The following RHOJ variants were observed in gnomAD, a reference collection of about 807,000 sequenced individuals.
The protein encoded by RHOJ is ras homolog family member J, also known as rho-related GTP-binding protein RhoJ.
A neutral mutation model predicts 23.4 loss-of-function variants in RHOJ; 11 were observed. The observed-to-expected ratio is 0.47, with a 90% confidence interval of 0.30 to 0.78. The LOEUF (loss-of-function observed/expected upper bound fraction) is 0.78, where lower values mean the gene tolerates loss of function less well. RHOJ is among the 30% of genes least tolerant of loss of function. RHOJ has a pLI of 0.08. For missense variants in RHOJ, 254 were observed against 273.4 expected (o/e 0.93, Z 0.50); for synonymous variants, 102 against 102.7 (o/e 0.99, Z 0.04).
intron 1 of RHOJ, among the ~76,000 whole-genome samples, chr14:63,255,862 T>G (rs1895155093): frequency 6.6e-6 from 1 of 151,776 alleles, no homozygotes; most frequent in African/African-American, 2.4e-5. Context: ...TATCCTTTTT[T>G]TTTTACCTTT....
At chr14:63,289,720 T>G (rs563103651) in intron 4 of RHOJ, among the ~76,000 whole-genome samples, 6 of 152,350 alleles carry the variant, frequency 3.9e-5, no homozygotes, top group African/African-American at 1.2e-4. Flanking sequence ...TCTATATTTC[T>G]CATGAGAGGT....
At chr14:63,236,099 T>C (rs1335515303) in intron 1 of RHOJ, among the ~76,000 whole-genome samples, 1 of 152,220 alleles carries the variant, frequency 6.6e-6, no homozygotes, top group Non-Finnish European at 1.5e-5. Context: ...CAAACCTTCC[T>C]TTCTACATCC....
At chr14:63,259,488 A>C (rs1451973608) in intron 1 of RHOJ, among the ~76,000 whole-genome samples, 1 of 152,214 alleles carries the variant, frequency 6.6e-6, no homozygotes, top group Non-Finnish European at 1.5e-5. Flanking sequence ...TAAGCATCCC[A>C]AAAATTATAT....
At chr14:63,205,108 G>A in intron 1 of RHOJ, 61 bp downstream of exon 1, 1 of 1,539,812 alleles carries the variant, frequency 6.5e-7, no homozygotes, top group Non-Finnish European at 8.8e-7. Context: ...GAGACCCTAA[G>A]TTCAGAGGGG....
intron 1 of RHOJ, among the ~76,000 whole-genome samples, chr14:63,244,748 A>T (rs1894946250): frequency 6.6e-6 from 1 of 152,260 alleles, no homozygotes; most frequent in South Asian, 2.1e-4. Flanking sequence ...TACCAATTTC[A>T]AAAACAAGAA....
chr14:63,257,733 T>C (rs759904390), intron 1 of RHOJ, among the ~76,000 whole-genome samples: 4 of 147,796 alleles, frequency 2.7e-5, no homozygotes, highest in Non-Finnish European at 4.5e-5. Context: ...TTCACAAGGC[T>C]GTCATTTCTC....
intron 1 of RHOJ, among the ~76,000 whole-genome samples, chr14:63,268,254 G>A (rs567591045): frequency 2.6e-5 from 4 of 151,848 alleles, no homozygotes; most frequent in South Asian, 2.1e-4. Flanking sequence ...TTCCTTTCAC[G>A]AAAAGAATTC....
chr14:63,238,723 A>G (rs8009581), intron 1 of RHOJ, among the ~76,000 whole-genome samples: 12,581 of 152,202 alleles, frequency 0.083, 1,398 homozygotes, highest in African/African-American at 0.25. Flanking sequence ...CACCTGGCCT[A>G]TGTACTTTCA....
At chr14:63,238,101 C>T (rs530126187) in intron 1 of RHOJ, among the ~76,000 whole-genome samples, 24 of 152,104 alleles carry the variant, frequency 1.6e-4, no homozygotes, top group Admixed American at 4.6e-4. Context: ...CTTTCACATA[C>T]GGAAAAAAAT....
In RHOJ at chr14:63,263,423, C is replaced by G. The variant is rs570196463; in HGVS notation, c.179-5687C>G. Among the ~76,000 whole-genome samples the G allele has an allele frequency of 3.3e-5, 5 of 152,342 alleles. 1 individual carries two copies. In the South Asian group the frequency reaches 1.0e-3, roughly 32 times the overall value. On this transcript the variant is annotated intron_variant, in intron 1 of 4. Coordinates refer to ENST00000316754, the MANE Select transcript of RHOJ (RefSeq NM_020663.5). Reference sequence around the variant, plus strand: ...TCACGAAGCCATGACCCGTATAACCCTCAATGTTTGATTGACATTTGATCT... The same window carrying G: ...TCACGAAGCCATGACCCGTATAACCGTCAATGTTTGATTGACATTTGATCT...
intron 1 of RHOJ, among the ~76,000 whole-genome samples, chr14:63,242,977 T>A (rs1363596427): frequency 1.3e-5 from 2 of 152,124 alleles, no homozygotes; most frequent in African/African-American, 4.8e-5. Flanking sequence ...GTCATCCACA[T>A]CCCCAAATAC....
chr14:63,236,981 G>T (rs889005912), intron 1 of RHOJ, among the ~76,000 whole-genome samples: 1 of 152,110 alleles, frequency 6.6e-6, no homozygotes, highest in African/African-American at 2.4e-5. Flanking sequence ...GCAAATAGTT[G>T]TTATACTGTA....
intron 1 of RHOJ, among the ~76,000 whole-genome samples, chr14:63,264,251 A>G (rs566345936): frequency 6.6e-6 from 1 of 151,886 alleles, no homozygotes; most frequent in African/African-American, 2.4e-5. Flanking sequence ...TTCAGTTCCC[A>G]CTTATGAGAA....
rs550324949 is a variant in RHOJ, at chr14:63,258,952, T to C, written c.179-10158T>C. Among the ~76,000 whole-genome samples the C allele has an allele frequency of 2.6e-5, 4 of 152,344 alleles. No individual in the cohort carries two copies. In the East Asian group the frequency reaches 7.7e-4, roughly 29 times the overall value. ...GTTGCATTTTTTAAATGCTTTGTTT[T>C]GTTTTGAGATGGAGTCTCACTCTGT... On this transcript the variant is annotated intron_variant, in intron 1 of 4. Coordinates refer to ENST00000316754, the MANE Select transcript of RHOJ (RefSeq NM_020663.5).
intron 2 of RHOJ, among the ~76,000 whole-genome samples, chr14:63,278,749 CT>C (rs1468676992): frequency 2.0e-5 from 3 of 152,088 alleles, no homozygotes; most frequent in African/African-American, 7.2e-5. Context: ...TTGGCGGGGG[CT>C]GAGGCAGGAG....
At chr14:63,232,863 A>C (rs750852729) in intron 1 of RHOJ, among the ~76,000 whole-genome samples, 14 of 151,758 alleles carry the variant, frequency 9.2e-5, no homozygotes, top group Non-Finnish European at 1.9e-4. Context: ...TGCTGGGCTA[A>C]TTTTTGTGTT....
chr14:63,205,308 G>A (rs776968508), intron 1 of RHOJ, among the ~76,000 whole-genome samples: 1 of 152,132 alleles, frequency 6.6e-6, no homozygotes, highest in Non-Finnish European at 1.5e-5. Flanking sequence ...AGATTTGGGG[G>A]CCAGAGCTTT....
intron 1 of RHOJ, among the ~76,000 whole-genome samples, chr14:63,225,090 T>C (rs1894566807): frequency 6.6e-6 from 1 of 151,726 alleles, no homozygotes; most frequent in South Asian, 2.1e-4. Flanking sequence ...TAGCTGGGAC[T>C]ACAGGCGCCC....
chr14:63,251,046 T>A (rs1895062017), intron 1 of RHOJ, among the ~76,000 whole-genome samples: 1 of 151,986 alleles, frequency 6.6e-6, no homozygotes, highest in South Asian at 2.1e-4. Context: ...AAATAAATAA[T>A]TAATTAATTA....
Sources: gnomAD v4.1 joint callset for allele counts (sites outside exome capture counted in the v4.1 genomes callset) on GRCh38, gnomAD v4.1.1 for gene constraint, MANE v1.5 for transcripts, NCBI Gene and HGNC (gene_info 2026-07-23, HGNC 2026-07-21) for gene names.